EML6: variants seen among roughly 807,000 people sequenced by gnomAD.
EML6 encodes echinoderm microtubule-associated protein-like 6.
A neutral mutation model predicts 240.1 loss-of-function variants in EML6; 154 were observed. The ratio of observed to expected loss-of-function variants is 0.64; its 90% CI spans 0.56 to 0.73. The LOEUF is 0.73. EML6 is among the 30% of genes least tolerant of loss of function. EML6 has a pLI of 0.00. For synonymous variants in EML6, 1,148 were observed against 899.0 expected (o/e 1.28, Z -4.95); for missense variants, 2,964 against 2,474.6 (o/e 1.20, Z -4.20).
chr2:54,892,721 G>A, intron 19 of EML6, 65 bp downstream of exon 19: 1 of 1,296,368 alleles, frequency 7.7e-7, no homozygotes, highest in Admixed American at 2.2e-5. Flanking sequence ...GTAGTCTTAG[G>A]ATGGCCCAAG....
intron 28 of EML6, among the ~76,000 whole-genome samples, chr2:54,937,316 G>T (rs915594481): frequency 6.6e-6 from 1 of 151,180 alleles, no homozygotes; most frequent in Non-Finnish European, 1.5e-5. Context: ...TAAGCATGGT[G>T]GGGCAAGCCG....
At chr2:54,826,539 G>T (rs982230135) in intron 5 of EML6, among the ~76,000 whole-genome samples, 2 of 152,220 alleles carry the variant, frequency 1.3e-5, no homozygotes, top group African/African-American at 4.8e-5. Context: ...GGCAGAGGTT[G>T]CAGTGAGCCA....
intron 32 of EML6, among the ~76,000 whole-genome samples, chr2:54,954,830 G>C (rs1030050240): frequency 6.6e-6 from 1 of 152,180 alleles, no homozygotes; most frequent in Non-Finnish European, 1.5e-5. Context: ...GGCAAGAGCA[G>C]ATCCAATTAG....
intron 12 of EML6, 141 bp downstream of exon 12, chr2:54,859,842 A>G (rs1424388268): frequency 1.5e-6 from 1 of 678,160 alleles, no homozygotes; most frequent in East Asian, 3.1e-5. Context: ...TTAAGATAAG[A>G]AGAAACTTTA....
intron 16 of EML6, among the ~76,000 whole-genome samples, chr2:54,878,448 G>C (rs527258029): frequency 6.6e-6 from 1 of 152,212 alleles, no homozygotes; most frequent in Non-Finnish European, 1.5e-5. Context: ...AGATGGTTCT[G>C]TGTTGAATCT....
chr2:54,826,701 G>C (rs561124095), intron 5 of EML6, among the ~76,000 whole-genome samples: 3 of 152,270 alleles, frequency 2.0e-5, no homozygotes, highest in African/African-American at 7.2e-5. Context: ...GAAGCTTTGT[G>C]TATGGTCTTC....
At chr2:54,766,653 G>A (rs1668199413) in intron 2 of EML6, among the ~76,000 whole-genome samples, 1 of 151,876 alleles carries the variant, frequency 6.6e-6, no homozygotes, top group Admixed American at 6.6e-5. Context: ...CATATATCTT[G>A]TGGAAATACA....
intron 26 of EML6, among the ~76,000 whole-genome samples, chr2:54,920,592 C>T (rs971146573): frequency 6.6e-6 from 1 of 152,008 alleles, no homozygotes; most frequent in Non-Finnish European, 1.5e-5. Context: ...AAAAATATTG[C>T]CAATCCTTTT....
chr2:54,845,188 G>A (rs970760756), intron 8 of EML6, among the ~76,000 whole-genome samples: 19 of 152,160 alleles, frequency 1.2e-4, no homozygotes, highest in South Asian at 2.1e-4. Context: ...TACCAAGCAC[G>A]AAAACCTCAT....
In EML6 at chr2:54,960,038, G is replaced by T. The variant is rs548939298; in HGVS notation, c.4854-182G>T. Among the ~76,000 whole-genome samples, 234 of 152,342 alleles carry T rather than the reference G, an allele frequency of 1.5e-3. 1 individual carries two copies. The highest frequency in any genetic ancestry group is 5.4e-3 in the African/African-American group (224 of 41,578). Reference sequence around the variant, plus strand: ...GAAATCTGCAAGCTCAGGAGGTTGGGATTGCTTAGCACCAGGGCCTAAGAG... The same window carrying T: ...GAAATCTGCAAGCTCAGGAGGTTGGTATTGCTTAGCACCAGGGCCTAAGAG... On this transcript the variant is annotated intron_variant, in intron 34 of 41. Coordinates refer to ENST00000356458, the MANE Select transcript of EML6 (RefSeq NM_001039753.4).
intron 19 of EML6, 48 bp downstream of exon 19, chr2:54,892,704 T>G (rs1672539081): frequency 6.8e-7 from 1 of 1,461,258 alleles, no homozygotes; most frequent in Admixed American, 2.1e-5. Flanking sequence ...CCTTCTAAAA[T>G]TATAAGGTAG....
chr2:54,809,633 C>T (rs1371133213), intron 2 of EML6, among the ~76,000 whole-genome samples: 1 of 152,138 alleles, frequency 6.6e-6, no homozygotes, highest in East Asian at 1.9e-4. Context: ...AAACATAATA[C>T]TTCCCTGTCA....
At chr2:54,927,997 T>G (rs1310106778) in intron 26 of EML6, among the ~76,000 whole-genome samples, 1 of 152,204 alleles carries the variant, frequency 6.6e-6, no homozygotes, top group African/African-American at 2.4e-5. Context: ...TAGAGACCTG[T>G]GGAGGCAGCA....
At chr2:54,942,605 C>T (rs1011840839) in intron 28 of EML6, among the ~76,000 whole-genome samples, 2 of 152,120 alleles carry the variant, frequency 1.3e-5, no homozygotes, top group Non-Finnish European at 2.9e-5. Context: ...TACCCGACTC[C>T]CTCTCGCTCA....
chr2:54,947,608 A>G (rs1675755051), intron 28 of EML6, among the ~76,000 whole-genome samples: 1 of 152,180 alleles, frequency 6.6e-6, no homozygotes, highest in Non-Finnish European at 1.5e-5. Context: ...CAAAGTATCC[A>G]TTGTACATAA....
chr2:54,900,413 TTATATAAAGGGA>T (rs1672995475), intron 22 of EML6, among the ~76,000 whole-genome samples: 1 of 152,102 alleles, frequency 6.6e-6, no homozygotes. Flanking sequence ...ATGGGACTAT[TTATATAAAGGGA>T]TGGGGAAGGT....
intron 15 of EML6, among the ~76,000 whole-genome samples, chr2:54,869,834 CT>C (rs34442585): frequency 4.6e-5 from 7 of 151,850 alleles, no homozygotes; most frequent in Admixed American, 6.6e-5. Context: ...TTTATCTGAA[CT>C]TTTTTTTGAA....
chr2:54,818,487 G>T (rs1338510357), intron 4 of EML6, among the ~76,000 whole-genome samples: 1 of 152,238 alleles, frequency 6.6e-6, no homozygotes, highest in Non-Finnish European at 1.5e-5. Context: ...TAGGAAAGCT[G>T]TTCCTGTACC....
chr2:54,836,977 G>GC, intron 7 of EML6, among the ~76,000 whole-genome samples: 1 of 152,250 alleles, frequency 6.6e-6, no homozygotes, highest in African/African-American at 2.4e-5. Flanking sequence ...GGTGGCCTCA[G>GC]CCACCCCTTC....
Sources: gnomAD v4.1 joint callset for allele counts (sites outside exome capture counted in the v4.1 genomes callset) on GRCh38, gnomAD v4.1.1 for gene constraint, MANE v1.5 for transcripts, NCBI Gene and HGNC (gene_info 2026-07-23, HGNC 2026-07-21) for gene names.